RIMS4: variants seen among roughly 807,000 people sequenced by gnomAD.
The protein encoded by RIMS4 is regulating synaptic membrane exocytosis protein 4.
Under a neutral mutation model 29.0 loss-of-function variants are expected in RIMS4, and 9 were observed. The observed-to-expected ratio is 0.31, with a 90% CI of 0.19 to 0.54. The LOEUF is 0.54. Ranked by LOEUF, RIMS4 falls within the 20% of genes least tolerant of loss-of-function variation. The probability of loss-of-function intolerance (pLI) is 0.94; values close to 1 mark genes in which losing one functional copy is unlikely to be tolerated. For synonymous variants in RIMS4, 130 were observed against 152.9 expected, an observed-to-expected ratio of 0.85 and a Z score of 1.10; for missense variants, 193 against 365.7, an observed-to-expected ratio of 0.53 and a Z score of 3.85.
chr20:44,760,201 T>G (rs995348158), intron 2 of RIMS4, among the ~76,000 whole-genome samples: 2 of 152,228 alleles, frequency 1.3e-5, no homozygotes, highest in South Asian at 2.1e-4. Context: ...GAGGACGGTC[T>G]GTAGTCTGCA....
At chr20:44,788,320 A>G (rs2066217599) in intron 1 of RIMS4, among the ~76,000 whole-genome samples, 1 of 152,254 alleles carries the variant, frequency 6.6e-6, no homozygotes, top group Admixed American at 6.5e-5. Context: ...TAGTGGCTAC[A>G]GTATCGCACA....
At chr20:44,796,017 CAG>C (rs1456681631) in intron 1 of RIMS4, among the ~76,000 whole-genome samples, 1 of 152,062 alleles carries the variant, frequency 6.6e-6, no homozygotes, top group African/African-American at 2.4e-5. Flanking sequence ...GAGAGACAGC[CAG>C]AGAGTCCAGG....
intron 1 of RIMS4, among the ~76,000 whole-genome samples, chr20:44,809,804 G>C (rs950661918): frequency 3.3e-5 from 5 of 151,892 alleles, no homozygotes; most frequent in African/African-American, 1.2e-4. Context: ...GAGCCCCAGG[G>C]GTGGGACGGC....
At chr20:44,779,555 T>C (rs1250715211) in intron 1 of RIMS4, among the ~76,000 whole-genome samples, 1 of 152,250 alleles carries the variant, frequency 6.6e-6, no homozygotes, top group Non-Finnish European at 1.5e-5. Context: ...GGTTCATCCA[T>C]GTTGATTGTT....
intron 1 of RIMS4, among the ~76,000 whole-genome samples, chr20:44,790,544 G>A (rs536737115): frequency 1.4e-4 from 22 of 152,312 alleles, no homozygotes; most frequent in Admixed American, 2.6e-4. Flanking sequence ...GAATGTCCGC[G>A]TCTATGTTTA....
chr20:44,777,846 A>G (rs1006007669), intron 1 of RIMS4, among the ~76,000 whole-genome samples: 20 of 152,176 alleles, frequency 1.3e-4, no homozygotes, highest in Non-Finnish European at 8.8e-5. Flanking sequence ...CCAAGTCCAT[A>G]GAGAAGCCTG....
intron 1 of RIMS4, among the ~76,000 whole-genome samples, chr20:44,800,143 C>T (rs1434478478): frequency 6.6e-6 from 1 of 152,184 alleles, no homozygotes; most frequent in Non-Finnish European, 1.5e-5. Flanking sequence ...CTAGTGCAAC[C>T]CAACTTCTCT....
chr20:44,785,471 A>G (rs960877464), intron 1 of RIMS4, among the ~76,000 whole-genome samples: 6 of 152,206 alleles, frequency 3.9e-5, no homozygotes, highest in Non-Finnish European at 8.8e-5. Flanking sequence ...TTGGCCTTCC[A>G]AAGAGCTTGG....
At chr20:44,777,057 G>C (rs576363528) in intron 1 of RIMS4, among the ~76,000 whole-genome samples, 2 of 152,180 alleles carry the variant, frequency 1.3e-5, no homozygotes, top group African/African-American at 2.4e-5. Flanking sequence ...GACTCCTTGA[G>C]TCCCGGGGCA....
chr20:44,794,004 G>A (rs1049339538), intron 1 of RIMS4, among the ~76,000 whole-genome samples: 13 of 152,200 alleles, frequency 8.5e-5, no homozygotes, highest in Non-Finnish European at 1.5e-4. Context: ...AAGAGTTTGC[G>A]GCTTCAGTGG....
At chr20:44,798,650 C>T (rs186064890) in intron 1 of RIMS4, among the ~76,000 whole-genome samples, 2 of 152,362 alleles carry the variant, frequency 1.3e-5, no homozygotes, top group East Asian at 1.9e-4. Context: ...CTGCCCTTAG[C>T]TCATAGGAGC....
Position 44,769,280 on chromosome 20 carries a change from C to A in RIMS4, c.236+1995G>T, listed in dbSNP as rs190115927. Among the ~76,000 whole-genome samples, 20 of 152,328 alleles carry A rather than the reference C, an allele frequency of 1.3e-4. No homozygotes were observed. In the East Asian group the frequency reaches 3.3e-3, roughly 25 times the overall value. On this transcript the variant is annotated intron_variant, in intron 2 of 5. Transcript: ENST00000372851. ...GATAATGCTCCCCTTGGTCATGTGG[C>A]CTTTCTGAGCCTTCATCTCCTCTTC...
At chr20:44,786,720 C>T (rs748448460) in intron 1 of RIMS4, among the ~76,000 whole-genome samples, 5 of 152,196 alleles carry the variant, frequency 3.3e-5, no homozygotes, top group Non-Finnish European at 5.9e-5. Context: ...ATCTTTCTAT[C>T]CCTGGAACCT....
rs752753579 is a variant in RIMS4, at chr20:44,756,875, G to GT, written c.591+22dup. On this transcript the variant is annotated intron_variant, in intron 5 of 5. Coordinates refer to ENST00000372851, the MANE Select transcript of RIMS4 (RefSeq NM_182970.4). The surrounding 1 kb of genome is among the most constrained non-coding windows in gnomAD (Gnocchi z 5.9). ...TGTGTGCTCGTGCACACACACACAC[G>GT]TGAGCGCGTCAATGCCCCTCACCTG... The GT allele has an allele frequency of 6.2e-7, 1 of 1,611,298 alleles. No homozygotes were observed. The highest frequency in any genetic ancestry group is 8.5e-7 in the Non-Finnish European group (1 of 1,178,400).
chr20:44,761,839 G>T (rs753700061), intron 2 of RIMS4, among the ~76,000 whole-genome samples: 5 of 152,156 alleles, frequency 3.3e-5, no homozygotes, highest in Non-Finnish European at 7.4e-5. Context: ...ATGCAACAAT[G>T]GTTTTTTTAT....
rs1375523219 is a variant in RIMS4 at position 44,753,365 on chromosome 20, C to G, written c.*2769G>C. The G allele has an allele frequency of 6.6e-6, 1 of 152,248 alleles. No individual in the cohort carries two copies. The highest frequency in any genetic ancestry group is 1.5e-5 in the Non-Finnish European group (1 of 68,052). The allele number at this position is 152,248 out of a possible 1,614,324, so 9.4% of individuals were successfully genotyped here. ...GGTGACTCCAGGGGTGGCTTTTCCC[C>G]CAAGCTGGGTCTTGATTTCCTTGTC... On this transcript the variant is annotated 3_prime_UTR_variant, in exon 6 of 6. Transcript: ENST00000372851.
In RIMS4 at chr20:44,757,708, C is replaced by G; in HGVS notation, c.413G>C (p.Arg138Pro). The G allele has an allele frequency of 6.2e-7, 1 of 1,614,146 alleles. No individual in the cohort carries two copies. Among genetic ancestry groups the G allele is most frequent in the Non-Finnish European group, 8.5e-7 (1 of 1,180,036 alleles). ...GGAGCCTGGCTTGGCTGTCAGTCCC[C>G]GAGCCTGGATAATGTCCACCTCCAA... ...GQLEVDIIQA[R>P]GLTAKPGSKT... Residue 138 changes from arginine (R) to proline (P), a missense_variant, in exon 4 of 6, where the codon CGG becomes CCG. By Grantham distance (103) the Arg-to-Pro change is moderately radical. Coordinates refer to ENST00000372851, the MANE Select transcript of RIMS4 (RefSeq NM_182970.4).
chr20:44,804,921 C>T (rs1030871798), intron 1 of RIMS4, among the ~76,000 whole-genome samples: 7 of 152,118 alleles, frequency 4.6e-5, no homozygotes, highest in Non-Finnish European at 1.0e-4. Context: ...GACCTGCAGA[C>T]CAGTGATCTG....
intron 1 of RIMS4, among the ~76,000 whole-genome samples, chr20:44,781,583 T>C (rs2066184840): frequency 6.6e-6 from 1 of 152,222 alleles, no homozygotes; most frequent in South Asian, 2.1e-4. Context: ...AGGCAAAAAG[T>C]TCCAGATGCA....
Sources: allele counts gnomAD v4.1 joint callset (sites outside exome capture counted in the v4.1 genomes callset), GRCh38; gene constraint gnomAD v4.1.1; non-coding constraint Gnocchi (gnomAD v3.1); transcripts MANE v1.5; gene names NCBI Gene and HGNC (gene_info 2026-07-23, HGNC 2026-07-21).